The following SCN9A variants were observed in gnomAD, a reference collection of about 807,000 sequenced individuals.
The protein encoded by SCN9A is sodium voltage-gated channel alpha subunit 9.
Under a neutral mutation model 187.0 loss-of-function variants are expected in SCN9A, and 131 were observed. That is an observed-to-expected ratio of 0.70 (90% confidence interval 0.61 to 0.81). The LOEUF (loss-of-function observed/expected upper bound fraction) is 0.81. Among genes scored for constraint, SCN9A ranks in the 30% least tolerant of loss-of-function variants. The pLI, the probability that SCN9A is intolerant of heterozygous loss-of-function variation, is 0.00. For synonymous variants in SCN9A, 809 were observed against 808.6 expected, an observed-to-expected ratio of 1.00 and a Z score of -0.01; for missense variants, 2,252 against 2,396.6, an observed-to-expected ratio of 0.94 and a Z score of 1.26.
chr2:166,281,810 T>TAAA lies in SCN9A; in HGVS notation c.1975-5_1975-3dup. 7.0e-7 allele frequency: 1 copy of TAAA among 1,427,478 alleles called. No individual in the cohort carries two copies. Among genetic ancestry groups the TAAA allele is most frequent in the Non-Finnish European group, 9.5e-7 (1 of 1,053,242 alleles). The allele number at this position is 1,427,478 out of a possible 1,614,324, so 88.4% of individuals were successfully genotyped here. Reference sequence around the variant, plus strand: ...CTTGTGTATTTGATTGGTCGTGCCCTAAAAAAAAAATCAATTAATGTCTTA... The same window carrying TAAA: ...CTTGTGTATTTGATTGGTCGTGCCCTAAAAAAAAAAAAATCAATTAATGTCTTA... On this transcript the variant is annotated splice_polypyrimidine_tract_variant and splice_region_variant and intron_variant, in intron 12 of 26. Coordinates refer to ENST00000642356, the MANE Select transcript of SCN9A (RefSeq NM_001365536.1).
chr2:166,299,974 C>T (rs1175358079), intron 7 of SCN9A, among the ~76,000 whole-genome samples: 2 of 150,736 alleles, frequency 1.3e-5, no homozygotes, highest in Admixed American at 6.6e-5. Flanking sequence ...GCTCTACAGA[C>T]TTTGTATGTT....
rs755510753 is a variant in SCN9A at position 166,198,833 on chromosome 2, T to G, written c.5806A>C (p.Asn1936His). 1.2e-6 allele frequency: 2 copies of G among 1,613,614 alleles called. No individual in the cohort carries two copies. The highest frequency in any genetic ancestry group is 1.1e-5 in the South Asian group (1 of 91,050). Residue 1936 changes from asparagine (N) to histidine (H), a missense_variant, in exon 27 of 27, where the codon AAT becomes CAT. Asn to His is a moderately conservative substitution (Grantham distance 68). This residue lies in a region of SCN9A where 345 missense variants were observed against 344.6 expected (regional missense o/e 1.00). Coordinates refer to ENST00000642356, the MANE Select transcript of SCN9A (RefSeq NM_001365536.1). Reference protein sequence around the residue: ...LLNKKDMAFDNVNENSSPEKT... With the variant: ...LLNKKDMAFDHVNENSSPEKT... ...TCTGGACTTGAGTTCTCATTAACAT[T>G]ATCAAAAGCCATATCTTTTTTATTG...
At chr2:166,289,696 C>A (rs1286883097) in intron 9 of SCN9A, among the ~76,000 whole-genome samples, 2 of 152,182 alleles carry the variant, frequency 1.3e-5, no homozygotes, top group East Asian at 3.9e-4. Flanking sequence ...TGGGTATATA[C>A]CCAGTAATGG....
rs1232815378 is a variant in SCN9A, at chr2:166,227,839, G to T, written c.4207-116C>A. On this transcript the variant is annotated intron_variant, in intron 22 of 26. Coordinates refer to ENST00000642356, the MANE Select transcript of SCN9A (RefSeq NM_001365536.1). ...TTATTAAGTAATACTAGTAAGTTTT[G>T]CTGTATTCAACATGTCCATTTAATG... is the stretch of plus-strand genomic sequence containing the variant. 23 of 675,766 alleles carry T rather than the reference G, an allele frequency of 3.4e-5. No individual in the cohort carries two copies. In the Admixed American group the frequency reaches 5.7e-4, roughly 17 times the overall value. The allele number at this position is 675,766 out of a possible 1,614,324, so 41.9% of individuals were successfully genotyped here.
At chr2:166,375,646 G>C (rs962905626) in intron 1 of SCN9A, 51 bp downstream of exon 1, 1 of 152,398 alleles carries the variant, frequency 6.6e-6, no homozygotes, top group Non-Finnish European at 1.5e-5. Context: ...GCGAAAGACC[G>C]AGGGCTTCTC....
chr2:166,199,837 G>T lies in SCN9A; in HGVS notation c.4802C>A (p.Thr1601Lys), dbSNP rs371341018. Residue 1601 changes from threonine to lysine, a missense_variant, in exon 27 of 27, where the codon ACG (threonine) becomes AAG (lysine). Physicochemically the swap from Thr to Lys is moderately conservative, Grantham distance 78 (BLOSUM62 -1). Coordinates refer to ENST00000642356, the MANE Select transcript of SCN9A (RefSeq NM_001365536.1). The stretch of plus-strand genomic sequence containing the variant: ...GAACAGGGTAGGGGACACAAAATAC[G>T]TTTCAATCAAATCAGCTAGAAACAT... Reference protein sequence around the residue: ...VGMFLADLIETYFVSPTLFRV... With the variant: ...VGMFLADLIEKYFVSPTLFRV... The T allele has an allele frequency of 6.2e-7, 1 of 1,613,676 alleles. No homozygotes were observed. Among genetic ancestry groups the T allele is most frequent in the African/African-American group, 1.3e-5 (1 of 74,912 alleles).
At chr2:166,318,591 C>T (rs1344306401) in intron 1 of SCN9A, among the ~76,000 whole-genome samples, 1 of 150,496 alleles carries the variant, frequency 6.6e-6, no homozygotes, top group African/African-American at 2.4e-5. Flanking sequence ...AAAAAATAGG[C>T]TACCAAAAAC....
chr2:166,275,131 A>G (rs1049467083), intron 16 of SCN9A, among the ~76,000 whole-genome samples: 3 of 152,190 alleles, frequency 2.0e-5, no homozygotes, highest in Non-Finnish European at 4.4e-5. Flanking sequence ...AAAAATATTG[A>G]GTGGAAAATG....
intron 17 of SCN9A, among the ~76,000 whole-genome samples, chr2:166,252,670 TG>T (rs1696098140): frequency 6.6e-6 from 1 of 151,906 alleles, no homozygotes; most frequent in Admixed American, 6.6e-5. Flanking sequence ...GACTTACACA[TG>T]GAATAATGAA....
intron 1 of SCN9A, among the ~76,000 whole-genome samples, chr2:166,367,583 C>A (rs1700449273): frequency 6.6e-6 from 1 of 152,024 alleles, no homozygotes. Context: ...ACATTTTATA[C>A]ATATTTCCCT....
At chr2:166,304,645 T>A (rs1698693091) in intron 5 of SCN9A, among the ~76,000 whole-genome samples, 1 of 152,072 alleles carries the variant, frequency 6.6e-6, no homozygotes, top group Non-Finnish European at 1.5e-5. Flanking sequence ...TTGAAAATAG[T>A]ATGCTAAGTG....
intron 24 of SCN9A, among the ~76,000 whole-genome samples, chr2:166,222,043 A>G (rs1694610635): frequency 6.6e-6 from 1 of 152,216 alleles, no homozygotes; most frequent in African/African-American, 2.4e-5. Flanking sequence ...GGAAAGCTTC[A>G]TGATACTGTT....
At chr2:166,313,867 C>T (rs555098627) in intron 1 of SCN9A, among the ~76,000 whole-genome samples, 4 of 152,210 alleles carry the variant, frequency 2.6e-5, no homozygotes, top group Admixed American at 6.5e-5. Context: ...GTGAGAAATG[C>T]GCAATTCTTC....
chr2:166,316,916 T>C (rs1434591153), intron 1 of SCN9A, among the ~76,000 whole-genome samples: 1 of 152,000 alleles, frequency 6.6e-6, no homozygotes, highest in Non-Finnish European at 1.5e-5. Flanking sequence ...ACAGTAAGGG[T>C]TACACTAAAT....
intron 2 of SCN9A, among the ~76,000 whole-genome samples, chr2:166,309,073 T>C (rs1440982697): frequency 1.3e-5 from 2 of 151,598 alleles, no homozygotes; most frequent in Non-Finnish European, 2.9e-5. Flanking sequence ...GTAACTAATA[T>C]AAGGCAAGAT....
chr2:166,347,259 G>C (rs1321725449), intron 1 of SCN9A, among the ~76,000 whole-genome samples: 1 of 151,880 alleles, frequency 6.6e-6, no homozygotes, highest in African/African-American at 2.4e-5. Context: ...ATTTTTTTGA[G>C]TATTCTGTTG....
intron 17 of SCN9A, among the ~76,000 whole-genome samples, chr2:166,254,193 C>T (rs1257535736): frequency 6.6e-6 from 1 of 151,144 alleles, no homozygotes; most frequent in African/African-American, 2.4e-5. Context: ...TTCAATGGGA[C>T]AGAAATTATC....
chr2:166,231,548 C>CTTTTTCT (rs1695084035), intron 21 of SCN9A, among the ~76,000 whole-genome samples: 1 of 99,066 alleles, frequency 1.0e-5, no homozygotes, highest in African/African-American at 4.1e-5. Context: ...CAAGAATTTG[C>CTTTTTCT]TTTTTTTTTT....
intron 9 of SCN9A, among the ~76,000 whole-genome samples, chr2:166,292,767 G>T (rs1335725937): frequency 6.6e-6 from 1 of 152,178 alleles, no homozygotes; most frequent in African/African-American, 2.4e-5. Context: ...GAAGTCTACA[G>T]TTGGGAGCAA....
Sources: gnomAD v4.1 joint callset for allele counts (sites outside exome capture counted in the v4.1 genomes callset) on GRCh38, gnomAD v4.1.1 for gene constraint, gnomAD v4.1.1 regional missense constraint, MANE v1.5 for transcripts, NCBI Gene and HGNC (gene_info 2026-07-23, HGNC 2026-07-21) for gene names.